MUC3A: variants seen among roughly 807,000 people sequenced by gnomAD.
The protein encoded by MUC3A is mucin-3A.
Under a neutral mutation model 109.0 loss-of-function variants are expected in MUC3A, and 109 were observed. That is an observed-to-expected ratio of 1.00 (90% CI 0.86 to 1.17). The LOEUF is 1.17. MUC3A is among the 50% of genes most tolerant of loss of function. The pLI, the probability that MUC3A is intolerant of heterozygous loss-of-function variation, is 0.00. For missense variants in MUC3A, 3,537 were observed against 2,469.4 expected (o/e 1.43, Z -9.16); for synonymous variants, 1,398 against 981.4 (o/e 1.42, Z -7.93).
At chr7:100,960,968 T>A (rs772748276) in intron 3 of MUC3A, 31 bp downstream of exon 3, 1 of 1,598,466 alleles carries the variant, frequency 6.3e-7, no homozygotes, top group Non-Finnish European at 8.5e-7. Context: ...CTTCTGCACT[T>A]CCTCCCACAG....
chr7:100,959,415 C>T lies in MUC3A; in HGVS notation c.7636C>T (p.Pro2546Ser). The change falls in exon 2 of 12, where the codon CCC (proline) becomes TCC (serine). Residue 2546 changes from proline to serine, a missense_variant. Physicochemically the swap from Pro to Ser is moderately conservative, Grantham distance 74 (BLOSUM62 -1). Coordinates refer to ENST00000379458, the MANE Select transcript of MUC3A (RefSeq NM_005960.2). ...ETSSLVGTTS[P>S]TMSTVRMTLR... ...CTCATCCCTTGTGGGCACCACCTCTCCCACCATGTCCACTGTGAGAATGAC... is the reference window on the plus strand; with the variant it reads ...CTCATCCCTTGTGGGCACCACCTCTTCCACCATGTCCACTGTGAGAATGAC... 4 of 1,535,964 alleles carry T rather than the reference C, an allele frequency of 2.6e-6. No individual in the cohort carries two copies. The highest frequency in any genetic ancestry group is 1.4e-5 in the African/African-American group (1 of 72,958).
In MUC3A at chr7:100,966,402, A is replaced by G. The variant is rs1447579644; in HGVS notation, c.9628A>G (p.Thr3210Ala). The G allele has an allele frequency of 1.5e-6, 2 of 1,346,712 alleles. No individual in the cohort carries two copies. The highest frequency in any genetic ancestry group is 3.0e-5 in the Admixed American group (1 of 33,100). 83.4% of individuals were successfully genotyped at this position (1,346,712 alleles called of 1,614,324 possible). ...CTCCCGCAGCTGCTACTCCACCGAC[A>G]CGCACTGGTTCTCTGGCCCGCGCTG... ...GPTCRCYSTD[T>A]HWFSGPRCEV... Residue 3210 changes from threonine (T) to alanine (A), a missense_variant, in exon 9 of 12, where the codon ACG becomes GCG. Physicochemically the swap from Thr to Ala is moderately conservative, Grantham distance 58. Transcript: ENST00000379458.
At position 100,964,824 on chromosome 7, in the gene MUC3A, C is replaced by T. The variant is rs1792467847; in HGVS notation, c.9363C>T (p.Asn3121=). The T allele has an allele frequency of 6.3e-7, 1 of 1,597,970 alleles. No homozygotes were observed. The highest frequency in any genetic ancestry group is 8.5e-7 in the Non-Finnish European group (1 of 1,179,388). The change falls in exon 6 of 12, where the codon AAC becomes AAT. Residue 3121 remains asparagine (N), a synonymous_variant. Coordinates refer to ENST00000379458, the MANE Select transcript of MUC3A (RefSeq NM_005960.2). ...TGCAGAACGCCAGCCAGGATGTGAACAGCTGCCAGGACTCCCAGAGTGAGC... is the reference window on the plus strand; with the variant it reads ...TGCAGAACGCCAGCCAGGATGTGAATAGCTGCCAGGACTCCCAGAGTGAGC... The part of the protein sequence containing the change: ...EGLQNASQDV[N]SCQDSQTLCF...
At position 100,952,271 on chromosome 7, in the gene MUC3A, G is replaced by C; in HGVS notation, c.492G>C (p.Gln164His). 6.3e-7 allele frequency: 1 copy of C among 1,598,484 alleles called. No individual in the cohort carries two copies. Among genetic ancestry groups the C allele is most frequent in the Non-Finnish European group, 8.5e-7 (1 of 1,179,756 alleles). ...TSSYTSTPVT[Q>H]KPVTTVTSTY... The stretch of plus-strand genomic sequence containing the variant: ...CTTACACCTCGACTCCCGTGACACA[G>C]AAGCCAGTGACCACCGTCACCAGTA... Residue 164 changes from glutamine to histidine, a missense_variant, in exon 2 of 12, where the codon CAG becomes CAC. By Grantham distance (24) the Gln-to-His change is conservative. Transcript: ENST00000379458.
At chr7:100,962,506 T>C (rs1215726063) in intron 3 of MUC3A, among the ~76,000 whole-genome samples, 3 of 152,308 alleles carry the variant, frequency 2.0e-5, no homozygotes, top group Non-Finnish European at 2.9e-5. Flanking sequence ...ATAGTCACAG[T>C]TCTGGGGATT....
chr7:100,956,603 G>C lies in MUC3A; in HGVS notation c.4824G>C (p.Arg1608Ser). The change falls in exon 2 of 12, where the codon AGG becomes AGC. Residue 1608 changes from arginine (R) to serine (S), a missense_variant. Physicochemically the swap from Arg to Ser is moderately radical, Grantham distance 110. Transcript: ENST00000379458. The stretch of plus-strand genomic sequence containing the variant: ...ACACAGTCTCCAGCATGTCTGCAAG[G>C]CCAACAAGTGTCATTCCTTCATCTC... ...SVYTVSSMSA[R>S]PTSVIPSSPT... is the part of the protein sequence containing the mutation. The C allele has an allele frequency of 7.7e-6, 2 of 261,382 alleles. No individual in the cohort carries two copies. Among genetic ancestry groups the C allele is most frequent in the Non-Finnish European group, 1.2e-5 (2 of 162,880 alleles). The allele number at this position is 261,382 out of a possible 1,614,324, so 16.2% of individuals were successfully genotyped here.
rs1383707519 is a variant in MUC3A, at chr7:100,957,460, C to G, written c.5681C>G (p.Thr1894Ser). ...ACAGTTCCAACAACAAACTTGGTAA[C>G]CACGACCACCAAGATCACCTCACAC... ...TATVPTTNLV[T>S]TTTKITSHST... Residue 1894 changes from threonine to serine, a missense_variant, in exon 2 of 12, where the codon ACC (threonine) becomes AGC (serine). Coordinates refer to ENST00000379458, the MANE Select transcript of MUC3A (RefSeq NM_005960.2). The G allele has an allele frequency of 2.4e-5, 23 of 971,324 alleles. No homozygotes were observed. Among genetic ancestry groups the G allele is most frequent in the Non-Finnish European group, 2.8e-5 (23 of 809,206 alleles). The allele number at this position is 971,324 out of a possible 1,614,324, so 60.2% of individuals were successfully genotyped here. A position where few individuals can be genotyped will look rare whatever the true frequency, so the allele number is the denominator to read the frequency against.
rs1277241729 is a variant in MUC3A, at chr7:100,956,987, C to T, written c.5208C>T (p.Ser1736=). ...CATTCACCAGTTCAACAGCCACATCCCCTAAGACCACCACACTGACTCCTA... is the reference window on the plus strand; with the variant it reads ...CATTCACCAGTTCAACAGCCACATCTCCTAAGACCACCACACTGACTCCTA... The part of the protein sequence containing the change: ...QTTFTSSTAT[S]PKTTTLTPTS... The change falls in exon 2 of 12, where the codon TCC becomes TCT. Residue 1736 remains serine (S), a synonymous_variant. Transcript: ENST00000379458. The T allele has an allele frequency of 1.4e-5, 6 of 437,362 alleles. No homozygotes were observed. The highest frequency in any genetic ancestry group is 2.0e-5 in the African/African-American group (1 of 49,278). The allele number at this position is 437,362 out of a possible 1,614,324, so 27.1% of individuals were successfully genotyped here.
In MUC3A at chr7:100,963,131, G is replaced by A; in HGVS notation, c.9053-20G>A. 3.1e-6 allele frequency: 5 copies of A among 1,596,260 alleles called. No homozygotes were observed. The highest frequency in any genetic ancestry group is 4.2e-6 in the Non-Finnish European group (5 of 1,178,856). On this transcript the variant is annotated intron_variant, in intron 3 of 11. Transcript: ENST00000379458. Reference sequence around the variant, plus strand: ...AAAAGCAGACAGAGAAGTGACTGGGGACATGCATGCTCTGTGTAGATGTAG... The same window carrying A: ...AAAAGCAGACAGAGAAGTGACTGGGAACATGCATGCTCTGTGTAGATGTAG...
In MUC3A at chr7:100,965,818, A is replaced by G; in HGVS notation, c.9563A>G (p.Asp3188Gly). ...ACGTCGGGGGTGGACAACGCCATCG[A>G]CTGTCACCAGGGCCAGTGCGTTCTG... is the stretch of plus-strand genomic sequence containing the variant. ...KCTSGVDNAI[D>G]CHQGQCVLET... Residue 3188 changes from aspartate (D) to glycine (G), a missense_variant, in exon 8 of 12, where the codon GAC becomes GGC. Asp to Gly is a moderately conservative substitution (Grantham distance 94). Coordinates refer to ENST00000379458, the MANE Select transcript of MUC3A (RefSeq NM_005960.2). 1 of 1,597,464 alleles carries G rather than the reference A, an allele frequency of 6.3e-7. No homozygotes were observed. The highest frequency in any genetic ancestry group is 1.1e-5 in the South Asian group (1 of 91,000).
At chr7:100,950,289 C>T (rs4236547) in intron 1 of MUC3A, among the ~76,000 whole-genome samples, 8,684 of 151,228 alleles carry the variant, frequency 0.057, no homozygotes, top group Middle Eastern at 0.082. Context: ...ATGTCCACTT[C>T]GCTTCCAAGG....
intron 6 of MUC3A, 70 bp downstream of exon 6, chr7:100,964,913 G>T: frequency 6.6e-7 from 1 of 1,521,314 alleles, no homozygotes; most frequent in Non-Finnish European, 8.8e-7. Flanking sequence ...TCAGCCAGGG[G>T]GCCACTGGGC....
chr7:100,967,458 C>T lies in MUC3A; in HGVS notation c.*296C>T, dbSNP rs1401254840. Reference sequence around the variant, plus strand: ...AGCATTCCTGTATGATAGCTCACGCCGTTGTTGTGAAAACCACATAGACTT... The same window carrying T: ...AGCATTCCTGTATGATAGCTCACGCTGTTGTTGTGAAAACCACATAGACTT... On this transcript the variant is annotated 3_prime_UTR_variant, in exon 12 of 12. Coordinates refer to ENST00000379458, the MANE Select transcript of MUC3A (RefSeq NM_005960.2). 6.9e-6 allele frequency: 4 copies of T among 582,140 alleles called. No homozygotes were observed. Among genetic ancestry groups the T allele is most frequent in the Non-Finnish European group, 1.2e-5 (4 of 327,970 alleles). The allele number at this position is 582,140 out of a possible 1,614,324, so 36.1% of individuals were successfully genotyped here.
intron 7 of MUC3A, 178 bp downstream of exon 7, chr7:100,965,525 C>G: frequency 2.1e-6 from 3 of 1,415,830 alleles, no homozygotes; most frequent in South Asian, 1.4e-5. Context: ...GCAGGGGCCA[C>G]GAGGAGAGGG....
chr7:100,965,078 G>T (rs1792479852), intron 6 of MUC3A: 3 of 1,065,850 alleles, frequency 2.8e-6, no homozygotes, highest in Admixed American at 2.6e-5. Context: ...TTCCCGGATG[G>T]CTGAAGACCT....
rs757577339 is a variant in MUC3A, at chr7:100,959,852, C to T, written c.8073C>T (p.Ser2691=). ...IWSSTPTIIM[S]SSPSSASITP... is the part of the protein sequence containing the mutation. ...CCTCAACACCCACTATTATCATGTC[C>T]TCTTCTCCATCTTCTGCCAGCATAA... is the stretch of plus-strand genomic sequence containing the variant. Residue 2691 remains serine, a synonymous_variant, in exon 2 of 12, where the codon TCC becomes TCT. Coordinates refer to ENST00000379458, the MANE Select transcript of MUC3A (RefSeq NM_005960.2). The T allele has an allele frequency of 1.7e-5, 26 of 1,564,924 alleles. No individual in the cohort carries two copies. In the South Asian group the frequency reaches 2.6e-4, roughly 16 times the overall value.
At chr7:100,966,271 C>A (rs1342006491) in intron 8 of MUC3A, 115 bp from the exon 9 acceptor site, 2 of 902,382 alleles carry the variant, frequency 2.2e-6, no homozygotes, top group East Asian at 3.9e-5. Context: ...AGGGTGGAAC[C>A]CCCCGCTGCC....
In MUC3A at chr7:100,957,472, A is replaced by G. The variant is rs1792128885; in HGVS notation, c.5693A>G (p.Lys1898Arg). 2 of 1,217,228 alleles carry G rather than the reference A, an allele frequency of 1.6e-6. No individual in the cohort carries two copies. Among genetic ancestry groups the G allele is most frequent in the Admixed American group, 3.6e-5 (1 of 27,918 alleles). 75.4% of individuals were successfully genotyped at this position (1,217,228 alleles called of 1,614,324 possible). ...PTTNLVTTTT[K>R]ITSHSTPSFT... ...ACAAACTTGGTAACCACGACCACCAAGATCACCTCACACAGTACTCCTAGC... is the reference window on the plus strand; with the variant it reads ...ACAAACTTGGTAACCACGACCACCAGGATCACCTCACACAGTACTCCTAGC... The change falls in exon 2 of 12, where the codon AAG (lysine) becomes AGG (arginine). Residue 1898 changes from lysine to arginine, a missense_variant. Transcript: ENST00000379458.
At chr7:100,949,719 AG>A (rs1791881039) in intron 1 of MUC3A, 34 bp downstream of exon 1, 1 of 1,495,558 alleles carries the variant, frequency 6.7e-7, no homozygotes, top group Non-Finnish European at 8.9e-7. Flanking sequence ...GTTGGAGAAA[AG>A]CTCCTGATGT....
Sources: gnomAD v4.1 joint callset for allele counts (sites outside exome capture counted in the v4.1 genomes callset) on GRCh38, gnomAD v4.1.1 for gene constraint, MANE v1.5 for transcripts, NCBI Gene and HGNC (gene_info 2026-07-23, HGNC 2026-07-21) for gene names.